Variants in KLRG1 observed in about 807,000 individuals in gnomAD.
KLRG1 encodes killer cell lectin-like receptor subfamily G member 1.
Under a neutral mutation model 21.8 loss-of-function variants are expected in KLRG1, and 16 were observed. The ratio of observed to expected loss-of-function variants is 0.73; its 90% CI spans 0.50 to 1.11. KLRG1 has a LOEUF of 1.11. KLRG1 is among the 50% of genes most tolerant of loss of function. KLRG1 has a pLI of 0.00. For missense variants in KLRG1, 173 were observed against 218.3 expected (o/e 0.79, Z 1.31); for synonymous variants, 69 against 75.9 (o/e 0.91, Z 0.47).
At chr12:9,130,224 T>C in the KLRG1 span, among the ~76,000 whole-genome samples, 1 of 152,242 alleles carries the variant, frequency 6.6e-6, no homozygotes, top group Non-Finnish European at 1.5e-5. Context: ...GGCTCGCTTT[T>C]ACTTCTTGGT....
chr12:8,963,428 C>T (rs1419286513), intron 1 of KLRG1, among the ~76,000 whole-genome samples: 11 of 152,146 alleles, frequency 7.2e-5, no homozygotes, highest in East Asian at 1.9e-4. Flanking sequence ...CTGCTGGATT[C>T]GGTTTGCCAG....
the KLRG1 span, chr12:9,192,093 G>T: frequency 9.8e-7 from 1 of 1,020,818 alleles, no homozygotes; most frequent in Non-Finnish European, 1.5e-6. Flanking sequence ...TCCTTATTGT[G>T]AAGGGATGAT....
chr12:8,974,272 ATTC>A (rs1241434583), intron 1 of KLRG1, among the ~76,000 whole-genome samples: 4 of 151,024 alleles, frequency 2.6e-5, no homozygotes, highest in African/African-American at 9.7e-5. Context: ...GGTTCATGCC[ATTC>A]TTCTGCCTCA....
chr12:9,063,132 A>T, the KLRG1 span, among the ~76,000 whole-genome samples: 2 of 152,220 alleles, frequency 1.3e-5, no homozygotes, highest in African/African-American at 4.8e-5. Context: ...GGCCTCCTAA[A>T]GCATTGGGAT....
the KLRG1 span, chr12:9,162,480 G>A: frequency 8.1e-6 from 6 of 745,066 alleles, no homozygotes; most frequent in Non-Finnish European, 1.4e-5. Context: ...TTAGTATTAT[G>A]CTGACTTTCA....
chr12:9,113,266 T>TA, the KLRG1 span: 1 of 1,388,862 alleles, frequency 7.2e-7, no homozygotes. Context: ...CTGCAGTTCT[T>TA]ACCAACCTCC....
chr12:9,192,573 GC>G, the KLRG1 span: 1 of 1,614,220 alleles, frequency 6.2e-7, no homozygotes, highest in Non-Finnish European at 8.5e-7. Context: ...TGTATAGTGT[GC>G]CGTGATAGTC....
the KLRG1 span, among the ~76,000 whole-genome samples, chr12:9,087,372 C>A: frequency 1.8e-4 from 28 of 152,158 alleles, no homozygotes; most frequent in Non-Finnish European, 2.6e-4. Context: ...ATGATTAAAT[C>A]TGGAGGAGAT....
At chr12:9,096,154 G>A in the KLRG1 span, among the ~76,000 whole-genome samples, 1 of 152,034 alleles carries the variant, frequency 6.6e-6, no homozygotes, top group Non-Finnish European at 1.5e-5. Flanking sequence ...TTTATAGAGG[G>A]TATGGATCAT....
the KLRG1 span, among the ~76,000 whole-genome samples, chr12:9,205,920 AGTCTT>A: frequency 6.6e-6 from 1 of 152,192 alleles, no homozygotes; most frequent in Non-Finnish European, 1.5e-5. Context: ...CCAGCACACC[AGTCTT>A]GCTACATGTG....
At chr12:9,184,711 A>C in the KLRG1 span, among the ~76,000 whole-genome samples, 5 of 152,220 alleles carry the variant, frequency 3.3e-5, no homozygotes, top group Non-Finnish European at 7.3e-5. Flanking sequence ...CCTTCAGTGC[A>C]ACATGTTCTT....
the KLRG1 span, among the ~76,000 whole-genome samples, chr12:9,041,390 A>G: frequency 6.6e-6 from 1 of 152,230 alleles, no homozygotes; most frequent in African/African-American, 2.4e-5. Context: ...TAATTGATGC[A>G]CTATAAACTG....
chr12:9,170,557 C>T, the KLRG1 span, among the ~76,000 whole-genome samples: 2 of 152,150 alleles, frequency 1.3e-5, no homozygotes, highest in African/African-American at 2.4e-5. The surrounding 1 kb of genome is among the most constrained non-coding windows in gnomAD (Gnocchi z 4.6). Flanking sequence ...CTCAGCCAGC[C>T]GACGGCAGTG....
At chr12:9,019,654 A>G in the KLRG1 span, among the ~76,000 whole-genome samples, 1 of 152,198 alleles carries the variant, frequency 6.6e-6, no homozygotes, top group South Asian at 2.1e-4. Context: ...GTTCTCTTAT[A>G]TATCCGTACT....
the KLRG1 span, among the ~76,000 whole-genome samples, chr12:9,048,029 A>T: frequency 6.6e-6 from 1 of 152,220 alleles, no homozygotes; most frequent in African/African-American, 2.4e-5. Flanking sequence ...GTGCTAATTG[A>T]TATTCACAGG....
chr12:9,165,310 C>G, the KLRG1 span: 18 of 1,614,156 alleles, frequency 1.1e-5, no homozygotes, highest in Non-Finnish European at 1.5e-5. Flanking sequence ...AGGCCCCTGC[C>G]TTCCACTCGG....
the KLRG1 span, chr12:9,104,108 C>T: frequency 1.1e-6 from 1 of 894,982 alleles, no homozygotes; most frequent in South Asian, 1.9e-5. Flanking sequence ...AGTTAACCTT[C>T]AATCGGTTTC....
chr12:9,188,007 G>T, the KLRG1 span, among the ~76,000 whole-genome samples: 1 of 152,244 alleles, frequency 6.6e-6, no homozygotes, highest in African/African-American at 2.4e-5. Context: ...ATGAGGAGAA[G>T]TGGGACTCAC....
chr12:9,129,504 G>C, the KLRG1 span, among the ~76,000 whole-genome samples: 1 of 152,112 alleles, frequency 6.6e-6, no homozygotes, highest in South Asian at 2.1e-4. Flanking sequence ...TAAACTGAAA[G>C]TATTTTCAGT....
Sources: gnomAD v4.1 joint callset for allele counts (sites outside exome capture counted in the v4.1 genomes callset) on GRCh38, gnomAD v4.1.1 for gene constraint, Gnocchi (gnomAD v3.1) non-coding constraint, MANE v1.5 for transcripts, NCBI Gene and HGNC (gene_info 2026-07-23, HGNC 2026-07-21) for gene names.